FAM171A1: variants seen among roughly 807,000 people sequenced by gnomAD.
The protein encoded by FAM171A1 is protein FAM171A1.
FAM171A1 carries 23 observed loss-of-function variants against 74.9 expected under a neutral mutation model. The ratio of observed to expected loss-of-function variants is 0.31; its 90% CI spans 0.22 to 0.44. The LOEUF (loss-of-function observed/expected upper bound fraction) is 0.44, where lower values mean the gene tolerates loss of function less well. FAM171A1 is among the 20% of genes least tolerant of loss of function. The probability of loss-of-function intolerance (pLI) is 1.00; values close to 1 mark genes in which losing one functional copy is unlikely to be tolerated. For synonymous variants in FAM171A1, 527 were observed against 505.7 expected (o/e 1.04, Z -0.57); for missense variants, 1,162 against 1,159.2 (o/e 1.00, Z -0.03).
At chr10:15,298,660 T>C (rs1588540183) in intron 1 of FAM171A1, among the ~76,000 whole-genome samples, 1 of 152,204 alleles carries the variant, frequency 6.6e-6, no homozygotes, top group African/African-American at 2.4e-5. Context: ...GTTCCAACTT[T>C]TAAGAACTTT....
intron 1 of FAM171A1, among the ~76,000 whole-genome samples, chr10:15,317,180 G>A (rs548784921): frequency 2.0e-5 from 3 of 152,268 alleles, no homozygotes; most frequent in Non-Finnish European, 2.9e-5. Flanking sequence ...GGCGTATGTT[G>A]GGAGTGGGAT....
At chr10:15,354,489 C>T (rs189800133) in intron 1 of FAM171A1, among the ~76,000 whole-genome samples, 23 of 151,930 alleles carry the variant, frequency 1.5e-4, no homozygotes, top group African/African-American at 5.3e-4. Flanking sequence ...GAGCGAGACC[C>T]TGTCTCAAAA....
intron 1 of FAM171A1, among the ~76,000 whole-genome samples, chr10:15,300,523 C>T (rs1835214742): frequency 6.6e-6 from 1 of 151,988 alleles, no homozygotes; most frequent in African/African-American, 2.4e-5. Flanking sequence ...GCAAGCATTC[C>T]ACTAACTTTA....
chr10:15,228,944 AGC>A (rs1339525672), intron 5 of FAM171A1, among the ~76,000 whole-genome samples: 4 of 152,234 alleles, frequency 2.6e-5, no homozygotes, highest in African/African-American at 7.2e-5. Flanking sequence ...TCGTCATTTA[AGC>A]GCTTGTAGCT....
intron 1 of FAM171A1, among the ~76,000 whole-genome samples, chr10:15,306,000 T>C (rs913171146): frequency 9.9e-5 from 15 of 152,132 alleles, no homozygotes; most frequent in African/African-American, 3.6e-4. Flanking sequence ...CAAAATATCA[T>C]CAGAACGGGG....
At chr10:15,347,789 C>T (rs1236013951) in intron 1 of FAM171A1, among the ~76,000 whole-genome samples, 2 of 136,034 alleles carry the variant, frequency 1.5e-5, no homozygotes, top group East Asian at 2.2e-4. Flanking sequence ...AAGCCGAGAT[C>T]GCACCACTGC....
chr10:15,346,252 T>C (rs1835816343), intron 1 of FAM171A1, among the ~76,000 whole-genome samples: 1 of 152,170 alleles, frequency 6.6e-6, no homozygotes, highest in Non-Finnish European at 1.5e-5. Context: ...CGCATCACCA[T>C]GCCTGGTTAA....
chr10:15,295,718 T>A (rs990997252), intron 1 of FAM171A1, among the ~76,000 whole-genome samples: 1 of 152,192 alleles, frequency 6.6e-6, no homozygotes, highest in Non-Finnish European at 1.5e-5. Context: ...GGCCACTGGG[T>A]CTGGGTAGAA....
intron 4 of FAM171A1, among the ~76,000 whole-genome samples, chr10:15,253,376 AT>A (rs941045369): frequency 1.2e-4 from 18 of 151,354 alleles, no homozygotes; most frequent in African/African-American, 4.1e-4. Context: ...AATAGTCAAC[AT>A]TTTTTTTTCC....
intron 1 of FAM171A1, among the ~76,000 whole-genome samples, chr10:15,369,170 G>T (rs1204552526): frequency 6.9e-6 from 1 of 145,838 alleles, no homozygotes; most frequent in Non-Finnish European, 1.5e-5. Flanking sequence ...GCAAGAGCTG[G>T]GTAAAACGTG....
chr10:15,329,442 G>T (rs138721848), intron 1 of FAM171A1, among the ~76,000 whole-genome samples: 1 of 152,000 alleles, frequency 6.6e-6, no homozygotes, highest in African/African-American at 2.4e-5. Context: ...TGAGTGCCCA[G>T]GAGTTTGAGA....
At chr10:15,229,603 T>A (rs1413270787) in intron 5 of FAM171A1, among the ~76,000 whole-genome samples, 4 of 119,456 alleles carry the variant, frequency 3.3e-5, no homozygotes, top group Admixed American at 9.2e-5. Flanking sequence ...ATCATCACCA[T>A]CACCATCATC....
chr10:15,302,497 C>A (rs1835242793), intron 1 of FAM171A1, among the ~76,000 whole-genome samples: 2 of 145,394 alleles, frequency 1.4e-5, no homozygotes, highest in Non-Finnish European at 3.0e-5. Flanking sequence ...AACAAAAAAA[C>A]CCAAAACCAA....
intron 1 of FAM171A1, among the ~76,000 whole-genome samples, chr10:15,284,831 A>C (rs945162513): frequency 6.6e-6 from 1 of 151,944 alleles, no homozygotes; most frequent in Non-Finnish European, 1.5e-5. Flanking sequence ...GTAACCCAGG[A>C]TTGTGCACTG....
rs564677049 is a variant in FAM171A1 at position 15,251,704 on chromosome 10, G to A, written c.578-2889C>T. Among the ~76,000 whole-genome samples, 33 of 152,088 alleles carry A rather than the reference G, an allele frequency of 2.2e-4. No homozygotes were observed. In the South Asian group the frequency reaches 6.2e-3, roughly 29 times the overall value. On this transcript the variant is annotated intron_variant, in intron 4 of 7. Transcript: ENST00000378116. ...TGGGATTACAGGTGTGAGCCATCGC[G>A]CCTGGCCTATTCTGCAACAATTCAC... is the stretch of plus-strand genomic sequence containing the variant.
chr10:15,238,007 A>T (rs1042042490), intron 5 of FAM171A1, among the ~76,000 whole-genome samples: 7 of 152,180 alleles, frequency 4.6e-5, no homozygotes, highest in Non-Finnish European at 1.0e-4. Context: ...AATGCCCTGA[A>T]CTACGGCATC....
intron 2 of FAM171A1, among the ~76,000 whole-genome samples, chr10:15,281,940 G>C (rs1255228133): frequency 6.6e-6 from 1 of 152,200 alleles, no homozygotes; most frequent in African/African-American, 2.4e-5. Context: ...AAATGAATGT[G>C]ATCAAAGTGT....
chr10:15,244,969 A>G (rs1419552674), intron 5 of FAM171A1, among the ~76,000 whole-genome samples: 1 of 152,210 alleles, frequency 6.6e-6, no homozygotes, highest in Admixed American at 6.5e-5. Flanking sequence ...CACAGTCCCC[A>G]GAAATGTGGT....
intron 5 of FAM171A1, among the ~76,000 whole-genome samples, chr10:15,228,336 AT>A (rs71390021): frequency 0.014 from 1,757 of 123,936 alleles, 16 homozygotes; most frequent in South Asian, 0.037. Context: ...AAGTGGGAGT[AT>A]TTTTTTTTTT....
Sources: allele counts gnomAD v4.1 joint callset (sites outside exome capture counted in the v4.1 genomes callset), GRCh38; gene constraint gnomAD v4.1.1; transcripts MANE v1.5; gene names NCBI Gene and HGNC (gene_info 2026-07-23, HGNC 2026-07-21).